Variants in FAM107A observed in about 807,000 individuals in gnomAD.
FAM107A encodes family with sequence similarity 107 member A, also known as actin-associated protein FAM107A.
FAM107A carries 19 observed loss-of-function variants against 13.7 expected under a neutral mutation model. That is an observed-to-expected ratio of 1.38 (90% CI 0.97 to 2.03). The LOEUF is 2.03. FAM107A is among the 30% of genes most tolerant of loss of function. The pLI, the probability that FAM107A is intolerant of heterozygous loss-of-function variation, is 0.00. For missense variants in FAM107A, 203 were observed against 184.4 expected (o/e 1.10, Z -0.58); for synonymous variants, 82 against 74.5 (o/e 1.10, Z -0.52).
Position 58,569,126 on chromosome 3 carries a change from T to G in FAM107A, c.170+565A>C, listed in dbSNP as rs2063654630. On this transcript the variant is annotated intron_variant, in intron 2 of 3. Transcript: ENST00000360997. This position sits in a 1 kb window ranked among gnomAD's most constrained non-coding sequence, Gnocchi z 5.7. ...CACGCAATCGATGCCCCAGGCACAG[T>G]GAGTGACTCCTGTTTCCTGTTCATT... Among the ~76,000 whole-genome samples the G allele has an allele frequency of 6.6e-6, 1 of 152,182 alleles. No individual in the cohort carries two copies. Among genetic ancestry groups the G allele is most frequent in the Non-Finnish European group, 1.5e-5 (1 of 68,030 alleles).
intron 1 of FAM107A, among the ~76,000 whole-genome samples, chr3:58,609,703 C>T (rs940573944): frequency 3.3e-5 from 5 of 152,174 alleles, no homozygotes; most frequent in East Asian, 1.9e-4. Flanking sequence ...TCAGAGCCAC[C>T]TAGGGGGTCG....
At position 58,577,311 on chromosome 3, in the gene FAM107A, C is replaced by T; in HGVS notation, c.-8G>A. The T allele has an allele frequency of 7.1e-6, 7 of 985,276 alleles. No individual in the cohort carries two copies. Among genetic ancestry groups the T allele is most frequent in the Non-Finnish European group, 8.4e-6 (7 of 829,794 alleles). The allele number at this position is 985,276 out of a possible 1,614,324, so 61.0% of individuals were successfully genotyped here. ...AAACAGAACAGAGATGGTCTTACTT[C>T]TCAGGTCGAGTCCTTGGGAAGGGAA... On this transcript the variant is annotated splice_region_variant and 5_prime_UTR_variant, in exon 1 of 4. Transcript: ENST00000360997. This position sits in a 1 kb window ranked among gnomAD's most constrained non-coding sequence, Gnocchi z 4.9.
At chr3:58,580,789 A>G (rs1461629321), upstream of FAM107A, among the ~76,000 whole-genome samples, 1 of 152,126 alleles carries the variant, frequency 6.6e-6, no homozygotes, top group East Asian at 1.9e-4. Flanking sequence ...GCGTAAAATT[A>G]CAGGCCCTTC....
At chr3:58,597,720 C>T (rs1575450342) in intron 1 of FAM107A, among the ~76,000 whole-genome samples, 1 of 152,204 alleles carries the variant, frequency 6.6e-6, no homozygotes, top group Non-Finnish European at 1.5e-5. Context: ...CTCATTTAAA[C>T]CTCATGAAAG....
chr3:58,625,186 C>T (rs1370078949), intron 1 of FAM107A, among the ~76,000 whole-genome samples: 1 of 152,144 alleles, frequency 6.6e-6, no homozygotes, highest in African/African-American at 2.4e-5. Flanking sequence ...GCCAAGGAGA[C>T]CCCAGAGAAA....
At chr3:58,580,607 T>C (rs1007626696), upstream of FAM107A, among the ~76,000 whole-genome samples, 1 of 151,782 alleles carries the variant, frequency 6.6e-6, no homozygotes, top group Non-Finnish European at 1.5e-5. Flanking sequence ...AGAAATGAGA[T>C]CTCACTGTGT....
At chr3:58,581,973 T>C (rs1262300060), upstream of FAM107A, among the ~76,000 whole-genome samples, 1 of 152,074 alleles carries the variant, frequency 6.6e-6, no homozygotes, top group African/African-American at 2.4e-5. Flanking sequence ...CTATGGATGG[T>C]GAGAGGATGT....
intron 1 of FAM107A, among the ~76,000 whole-genome samples, chr3:58,600,912 A>G (rs1399171482): frequency 1.3e-5 from 2 of 152,176 alleles, no homozygotes; most frequent in Non-Finnish European, 2.9e-5. Flanking sequence ...CCCTTCGGGC[A>G]CCAGAGCCAT....
upstream of FAM107A, among the ~76,000 whole-genome samples, chr3:58,591,505 C>T (rs1047492169): frequency 6.6e-6 from 1 of 152,158 alleles, no homozygotes; most frequent in East Asian, 1.9e-4. The surrounding 1 kb of genome is among the most constrained non-coding windows in gnomAD (Gnocchi z 4.3). Context: ...CAACTTCCTC[C>T]ATGCCTCATA....
intron 1 of FAM107A, among the ~76,000 whole-genome samples, chr3:58,612,985 C>T (rs541999970): frequency 4.6e-5 from 7 of 152,148 alleles, no homozygotes; most frequent in South Asian, 2.1e-4. Context: ...CAGGAATTGA[C>T]GGCGCACAGG....
intron 1 of FAM107A, among the ~76,000 whole-genome samples, chr3:58,622,221 T>C (rs2065963022): frequency 6.6e-6 from 1 of 152,106 alleles, no homozygotes; most frequent in Admixed American, 6.5e-5. Flanking sequence ...GGTGGATCAC[T>C]TGAGGTCAGG....
chr3:58,582,544 C>T (rs1022209587), upstream of FAM107A, among the ~76,000 whole-genome samples: 6 of 152,224 alleles, frequency 3.9e-5, no homozygotes. Flanking sequence ...GGAGTTATTC[C>T]ACAGAGGTGA....
exon 1 of FAM107A, chr3:58,587,023 G>T: frequency 7.3e-7 from 1 of 1,377,632 alleles, no homozygotes. Context: ...GCGCCTCCGC[G>T]ACGGTGACGC....
intron 1 of FAM107A, among the ~76,000 whole-genome samples, chr3:58,571,394 C>T (rs904093892): frequency 1.3e-5 from 2 of 152,156 alleles, no homozygotes; most frequent in African/African-American, 4.8e-5. Context: ...TAATTTTTTT[C>T]TCAAATTCAT....
chr3:58,593,088 G>A (rs1248296894), intron 1 of FAM107A, among the ~76,000 whole-genome samples: 1 of 152,100 alleles, frequency 6.6e-6, no homozygotes, highest in African/African-American at 2.4e-5. Flanking sequence ...ACTGCCTTCT[G>A]CCTGCAGGAC....
intron 1 of FAM107A, among the ~76,000 whole-genome samples, chr3:58,616,351 C>T (rs1055854014): frequency 2.6e-5 from 4 of 151,826 alleles, no homozygotes; most frequent in South Asian, 4.2e-4. Context: ...GGGGGCCAGG[C>T]GTTATTGTTG....
At chr3:58,571,832 C>T (rs1406782798) in intron 1 of FAM107A, among the ~76,000 whole-genome samples, 1 of 152,204 alleles carries the variant, frequency 6.6e-6, no homozygotes. Flanking sequence ...CTTTGGCTCC[C>T]CAGCTATTCA....
At chr3:58,580,562 A>G (rs938502534), upstream of FAM107A, among the ~76,000 whole-genome samples, 1 of 151,744 alleles carries the variant, frequency 6.6e-6, no homozygotes, top group South Asian at 2.1e-4. Context: ...CTACAGACAC[A>G]TGCCACCACA....
At chr3:58,567,427 G>T (rs1314659098) in intron 2 of FAM107A, 63 bp from the exon 3 acceptor site, 7 of 1,527,988 alleles carry the variant, frequency 4.6e-6, no homozygotes, top group Non-Finnish European at 6.2e-6. Context: ...CAGCCTCAGG[G>T]CTGCTTCCTG....
Sources: gnomAD v4.1 joint callset for allele counts (sites outside exome capture counted in the v4.1 genomes callset) on GRCh38, gnomAD v4.1.1 for gene constraint, Gnocchi (gnomAD v3.1) non-coding constraint, MANE v1.5 for transcripts, NCBI Gene and HGNC (gene_info 2026-07-23, HGNC 2026-07-21) for gene names.